Variants in PEAK1 observed in about 807,000 individuals in gnomAD.
The protein encoded by PEAK1 is inactive tyrosine-protein kinase PEAK1.
A neutral mutation model predicts 124.7 loss-of-function variants in PEAK1; 54 were observed. That is an observed-to-expected ratio of 0.43 (90% confidence interval 0.35 to 0.54). The LOEUF (loss-of-function observed/expected upper bound fraction) is 0.54, where lower values mean the gene tolerates loss of function less well. Among genes scored for constraint, PEAK1 ranks in the 20% least tolerant of loss-of-function variants. The probability of loss-of-function intolerance (pLI) is 0.01; values close to 1 mark genes in which losing one functional copy is unlikely to be tolerated. For synonymous variants in PEAK1, 719 were observed against 760.0 expected, an observed-to-expected ratio of 0.95 and a Z score of 0.89; for missense variants, 2,046 against 2,134.5, an observed-to-expected ratio of 0.96 and a Z score of 0.82.
intron 4 of PEAK1, 52 bp from the exon 5 acceptor site, chr15:77,284,082 T>G: frequency 8.4e-6 from 8 of 949,634 alleles, no homozygotes; most frequent in Non-Finnish European, 1.0e-5. Flanking sequence ...AGTCACTTAG[T>G]CTAGCCCAGC....
Position 77,197,914 on chromosome 15 carries a change from C to T in PEAK1, c.-114-15874G>A, listed in dbSNP as rs572422143. On this transcript the variant is annotated intron_variant, in intron 6 of 9. Coordinates refer to ENST00000682557, the MANE Select transcript of PEAK1 (RefSeq NM_001385026.1). ...CAATTTGATAAAACTCGCAGACAAA[C>T]CATGTAACCTAGAAATATTAAAAAA... Among the ~76,000 whole-genome samples the T allele has an allele frequency of 3.3e-5, 5 of 151,692 alleles. No individual in the cohort carries two copies. In the East Asian group the frequency reaches 9.7e-4, roughly 29 times the overall value.
intron 2 of PEAK1, chr15:77,335,833 TC>T: frequency 1.0e-6 from 1 of 985,364 alleles, no homozygotes; most frequent in Non-Finnish European, 1.2e-6. Flanking sequence ...GGTAATGGTT[TC>T]CAATCTCCAT....
Position 77,133,608 on chromosome 15 carries a change from C to A in PEAK1, c.3474G>T (p.Lys1158Asn). ...GCTCTGTATTGGCTCTTATGATCAT[C>A]TTCTTTGGCAGTGGGGGTGGTGTAG... ...SQPTPPPLPKKMIIRANTEPI... is the reference protein window; with the variant it reads ...SQPTPPPLPKNMIIRANTEPI... Residue 1158 changes from lysine (K) to asparagine (N), a missense_variant, in exon 9 of 10, where the codon AAG becomes AAT. Physicochemically the swap from Lys to Asn is moderately conservative, Grantham distance 94. Coordinates refer to ENST00000682557, the MANE Select transcript of PEAK1 (RefSeq NM_001385026.1). The surrounding 1 kb of genome is among the most constrained non-coding windows in gnomAD (Gnocchi z 4.2). The A allele has an allele frequency of 1.2e-6, 2 of 1,614,082 alleles. No individual in the cohort carries two copies. The highest frequency in any genetic ancestry group is 1.7e-6 in the Non-Finnish European group (2 of 1,180,012).
At chr15:77,234,830 A>C (rs1159892048) in intron 6 of PEAK1, among the ~76,000 whole-genome samples, 2 of 151,954 alleles carry the variant, frequency 1.3e-5, no homozygotes, top group African/African-American at 4.8e-5. Context: ...TATTTTTTTG[A>C]GACAGGGTCT....
At chr15:77,275,213 C>T (rs116987620) in intron 5 of PEAK1, among the ~76,000 whole-genome samples, 1,580 of 152,214 alleles carry the variant, frequency 0.01, 20 homozygotes, top group Middle Eastern at 0.041. Context: ...TTGGGTACAG[C>T]GTGTACTTCT....
intron 1 of PEAK1, among the ~76,000 whole-genome samples, chr15:77,410,068 T>C (rs2072267742): frequency 7.6e-6 from 1 of 131,330 alleles, no homozygotes; most frequent in Non-Finnish European, 1.7e-5. Context: ...TTTTGGTGTG[T>C]GTGTGTGTTT....
At chr15:77,298,943 T>C (rs2063650798) in intron 2 of PEAK1, among the ~76,000 whole-genome samples, 1 of 152,160 alleles carries the variant, frequency 6.6e-6, no homozygotes, top group Non-Finnish European at 1.5e-5. Context: ...CACTACCATA[T>C]ACCCTCTTGT....
chr15:77,139,061 G>A (rs2053567160), intron 8 of PEAK1, among the ~76,000 whole-genome samples: 1 of 152,074 alleles, frequency 6.6e-6, no homozygotes, highest in Non-Finnish European at 1.5e-5. Context: ...AAGTTAAGAT[G>A]AGGTCATTAG....
At chr15:77,363,857 T>C (rs1011874708) in intron 2 of PEAK1, among the ~76,000 whole-genome samples, 1 of 152,038 alleles carries the variant, frequency 6.6e-6, no homozygotes, top group African/African-American at 2.4e-5. Flanking sequence ...AATAAATTAA[T>C]AGCTGAGGGG....
chr15:77,383,017 TC>T (rs1567333647), intron 1 of PEAK1, among the ~76,000 whole-genome samples: 2 of 149,606 alleles, frequency 1.3e-5, no homozygotes, highest in African/African-American at 4.9e-5. Flanking sequence ...AGTTTGTATC[TC>T]CTTTTTTTTT....
chr15:77,368,893 G>C (rs1306154212), intron 1 of PEAK1, among the ~76,000 whole-genome samples: 1 of 152,118 alleles, frequency 6.6e-6, no homozygotes, highest in South Asian at 2.1e-4. Flanking sequence ...TGAAGCAAAA[G>C]AGAAAGAACA....
chr15:77,277,869 A>G (rs1166833345), intron 5 of PEAK1, among the ~76,000 whole-genome samples: 1 of 152,172 alleles, frequency 6.6e-6, no homozygotes, highest in African/African-American at 2.4e-5. Context: ...AGGGATGAAT[A>G]GGCAGAATGC....
intron 9 of PEAK1, 149 bp from the exon 10 acceptor site, chr15:77,115,468 A>T: frequency 1.4e-6 from 1 of 701,312 alleles, no homozygotes. Context: ...AAGTGGCAAT[A>T]ATAATGGTGG....
chr15:77,123,693 C>T (rs150171768), intron 9 of PEAK1, among the ~76,000 whole-genome samples: 1,560 of 152,236 alleles, frequency 0.01, 15 homozygotes, highest in Middle Eastern at 0.02. Context: ...TGTACTTGGT[C>T]AGTGCTTACC....
At chr15:77,202,335 T>C (rs1393401016) in intron 6 of PEAK1, among the ~76,000 whole-genome samples, 1 of 152,206 alleles carries the variant, frequency 6.6e-6, no homozygotes. Flanking sequence ...AGAACCTAAC[T>C]ACTAATAGCC....
At chr15:77,247,826 C>T (rs2060667932) in intron 6 of PEAK1, among the ~76,000 whole-genome samples, 1 of 151,956 alleles carries the variant, frequency 6.6e-6, no homozygotes, top group South Asian at 2.1e-4. Context: ...GGGATAAAAC[C>T]TACTTTCATA....
At chr15:77,153,370 T>A (rs1430813633) in intron 8 of PEAK1, among the ~76,000 whole-genome samples, 3 of 152,192 alleles carry the variant, frequency 2.0e-5, no homozygotes, top group Admixed American at 2.0e-4. Context: ...TCTCTCTGAA[T>A]CTTCTCTCTT....
intron 6 of PEAK1, among the ~76,000 whole-genome samples, chr15:77,225,173 G>T (rs556015710): frequency 6.6e-6 from 1 of 152,070 alleles, no homozygotes; most frequent in Non-Finnish European, 1.5e-5. Context: ...CTTGCCCAGG[G>T]TTACATAGTT....
rs1456152972 is a variant in PEAK1, at chr15:77,315,723, T to C, written c.-602-29219A>G. 4.6e-5 allele frequency among the ~76,000 whole-genome samples: 7 copies of C among 151,988 alleles called. No homozygotes were observed. The South Asian group carries it at 1.5e-3, about 32-fold the overall frequency. On this transcript the variant is annotated intron_variant, in intron 2 of 9. Transcript: ENST00000682557. ...ATGAGTCTAATCATGAGAAAAACAT[T>C]GGACAAATCACAAAAGAGGGACATT...
Sources: gnomAD v4.1 joint callset for allele counts (sites outside exome capture counted in the v4.1 genomes callset) on GRCh38, gnomAD v4.1.1 for gene constraint, Gnocchi (gnomAD v3.1) non-coding constraint, MANE v1.5 for transcripts, NCBI Gene and HGNC (gene_info 2026-07-23, HGNC 2026-07-21) for gene names.